GIN1: variants seen among roughly 807,000 people sequenced by gnomAD.
GIN1 encodes the protein gypsy retrotransposon integrase-like protein 1.
Under a neutral mutation model 51.4 loss-of-function variants are expected in GIN1, and 41 were observed. That is an observed-to-expected ratio of 0.80 (90% CI 0.62 to 1.04). The LOEUF (loss-of-function observed/expected upper bound fraction) is 1.04, where lower values mean the gene tolerates loss of function less well. Among genes scored for constraint, GIN1 ranks in the 50% least tolerant of loss-of-function variants. The pLI, the probability that GIN1 is intolerant of heterozygous loss-of-function variation, is 0.00. For missense variants in GIN1, 610 were observed against 612.4 expected, an observed-to-expected ratio of 1.00 and a Z score of 0.04; for synonymous variants, 222 against 206.5, an observed-to-expected ratio of 1.07 and a Z score of -0.64.
At chr5:103,108,860 A>C in intron 1 of GIN1, 146 bp from the exon 2 acceptor site, 1 of 611,046 alleles carries the variant, frequency 1.6e-6, no homozygotes, top group South Asian at 2.1e-5. Flanking sequence ...CAGTACAGGA[A>C]AGGAACAGCG....
At position 103,096,639 on chromosome 5, in the gene GIN1, C is replaced by G. The variant is rs782028018; in HGVS notation, c.1196G>C (p.Ser399Thr). ...GPCVIDYITE[S>T]GCAVLRDNTG... ...GTTGTCTCTCAGGACAGCACATCCA[C>G]TTTCTGTAATATAGTCTATGACACA... is the stretch of plus-strand genomic sequence containing the variant. Residue 399 changes from serine to threonine, a missense_variant, in exon 7 of 8, where the codon AGT (serine) becomes ACT (threonine). Coordinates refer to ENST00000399004, the MANE Select transcript of GIN1 (RefSeq NM_017676.2). 4 of 1,613,644 alleles carry G rather than the reference C, an allele frequency of 2.5e-6. No individual in the cohort carries two copies. The African/African-American group carries it at 4.0e-5, about 16-fold the overall frequency.
At chr5:103,097,181 C>T in intron 6 of GIN1, 133 bp downstream of exon 6, 1 of 635,400 alleles carries the variant, frequency 1.6e-6, no homozygotes, top group East Asian at 2.9e-5. Context: ...CAAGAAAAAT[C>T]TGATAGATAA....
chr5:103,109,791 T>C (rs1554196737), intron 1 of GIN1, among the ~76,000 whole-genome samples: 1 of 152,152 alleles, frequency 6.6e-6, no homozygotes, highest in East Asian at 1.9e-4. Flanking sequence ...AAATGCAGCC[T>C]ATCACAGTTT....
intron 3 of GIN1, 98 bp downstream of exon 3, chr5:103,106,618 A>C: frequency 1.5e-6 from 1 of 686,534 alleles, no homozygotes; most frequent in Non-Finnish European, 2.4e-6. Context: ...AAAATACTTA[A>C]TGAGAGGTGA....
chr5:103,090,006 T>C (rs912285592), intron 7 of GIN1, among the ~76,000 whole-genome samples: 1 of 152,298 alleles, frequency 6.6e-6, no homozygotes, highest in South Asian at 2.1e-4. Context: ...ATAAAAATCA[T>C]GCAGCCAGGC....
chr5:103,104,848 T>C lies in GIN1; in HGVS notation c.334-2A>G. On this transcript the variant is annotated splice_acceptor_variant, in intron 3 of 7. Coordinates refer to ENST00000399004, the MANE Select transcript of GIN1 (RefSeq NM_017676.2). LOFTEE classifies it high-confidence loss of function. The stretch of plus-strand genomic sequence containing the variant: ...TTGGCAATGCTGACAAGCATATACC[T>C]ACAACAGGCACACAATAAAGAAAAC... The C allele has an allele frequency of 6.4e-7, 1 of 1,554,600 alleles. No homozygotes were observed. The highest frequency in any genetic ancestry group is 8.8e-7 in the Non-Finnish European group (1 of 1,140,266).
At chr5:103,089,910 C>T (rs1324920303) in intron 7 of GIN1, among the ~76,000 whole-genome samples, 1 of 152,164 alleles carries the variant, frequency 6.6e-6, no homozygotes, top group African/African-American at 2.4e-5. Flanking sequence ...GCTATTCTCT[C>T]TACCAAAAGA....
In GIN1 at chr5:103,087,924, T is replaced by C. The variant is rs142717679; in HGVS notation, c.1543A>G (p.Asn515Asp). 773 of 1,558,514 alleles carry C rather than the reference T, an allele frequency of 5.0e-4. 3 individuals carry two copies. In the African/African-American group the frequency reaches 9.3e-3, roughly 19 times the overall value. ...KQTFSLLDSSNQVLEYLS is the reference protein window; with the variant it reads ...KQTFSLLDSSDQVLEYLS ...TAACTTAAGTATTCAAGAACCTGGT[T>C]TGAAGAGTCCAACAGACTGAAAGTC... is the stretch of plus-strand genomic sequence containing the variant. Residue 515 changes from asparagine to aspartate, a missense_variant, in exon 8 of 8, where the codon AAC (asparagine) becomes GAC (aspartate). Coordinates refer to ENST00000399004, the MANE Select transcript of GIN1 (RefSeq NM_017676.2).
intron 1 of GIN1, among the ~76,000 whole-genome samples, chr5:103,114,709 A>G (rs1583136458): frequency 6.6e-6 from 1 of 152,322 alleles, no homozygotes; most frequent in East Asian, 1.9e-4. Context: ...TCACAGTAAT[A>G]TGTGTCAACC....
intron 7 of GIN1, among the ~76,000 whole-genome samples, chr5:103,092,632 C>T (rs1000999178): frequency 2.2e-4 from 33 of 152,018 alleles, no homozygotes; most frequent in African/African-American, 7.5e-4. Flanking sequence ...CAACAGATAA[C>T]TGAGTAACTA....
chr5:103,097,723 G>C lies in GIN1; in HGVS notation c.698C>G (p.Ser233Cys). The C allele has an allele frequency of 6.3e-7, 1 of 1,588,966 alleles. No homozygotes were observed. The highest frequency in any genetic ancestry group is 8.6e-7 in the Non-Finnish European group (1 of 1,157,030). Reference sequence around the variant, plus strand: ...ACTTTCCGTTGGGTTAACAGTTCCAGAGGTGTGAGAAATTACAATTTGCTT... The same window carrying C: ...ACTTTCCGTTGGGTTAACAGTTCCACAGGTGTGAGAAATTACAATTTGCTT... ...GIKQIVISHT[S>C]GTVNPTESTP... is the part of the protein sequence containing the mutation. The change falls in exon 5 of 8, where the codon TCT becomes TGT. Residue 233 changes from serine to cysteine, a missense_variant. By Grantham distance (112) the Ser-to-Cys change is moderately radical. Coordinates refer to ENST00000399004, the MANE Select transcript of GIN1 (RefSeq NM_017676.2).
chr5:103,106,250 T>C lies in GIN1; in HGVS notation c.333+466A>G, dbSNP rs143872220. Among the ~76,000 whole-genome samples the C allele has an allele frequency of 5.5e-4, 84 of 152,302 alleles. No homozygotes were observed. In the East Asian group the frequency reaches 0.013, roughly 23 times the overall value. On this transcript the variant is annotated intron_variant, in intron 3 of 7. Transcript: ENST00000399004. ...TTATTTCATTATCCTCAAAATTTGA[T>C]TTTGGTTATATTTGGTTTTGGGTTT...
At position 103,088,061 on chromosome 5, in the gene GIN1, A is replaced by G; in HGVS notation, c.1406T>C (p.Ile469Thr). 6.2e-7 allele frequency: 1 copy of G among 1,610,924 alleles called. No homozygotes were observed. Among genetic ancestry groups the G allele is most frequent in the Non-Finnish European group, 8.5e-7 (1 of 1,177,282 alleles). Residue 469 changes from isoleucine (I) to threonine (T), a missense_variant, in exon 8 of 8, where the codon ATT becomes ACT. Ile to Thr is a moderately conservative substitution (Grantham distance 89). Coordinates refer to ENST00000399004, the MANE Select transcript of GIN1 (RefSeq NM_017676.2). ...CAGTAATTCATTATCGACTATACCA[A>G]TAGTTGCATCTTCCACCAGAATATT... ...QANILVEDATIGIVDNELLTS... is the reference protein window; with the variant it reads ...QANILVEDATTGIVDNELLTS...
chr5:103,106,583 T>C, intron 3 of GIN1, 133 bp downstream of exon 3: 1 of 535,350 alleles, frequency 1.9e-6, no homozygotes, highest in African/African-American at 2.0e-5. Flanking sequence ...TGAAGGGAAA[T>C]ACAACTCCCT....
chr5:103,090,224 G>A (rs1354178808), intron 7 of GIN1, among the ~76,000 whole-genome samples: 1 of 152,212 alleles, frequency 6.6e-6, no homozygotes, highest in Non-Finnish European at 1.5e-5. Flanking sequence ...AGGAGGTGGA[G>A]GTTGCAGTAA....
Position 103,097,511 on chromosome 5 carries a change from G to A in GIN1, c.832-21C>T, listed in dbSNP as rs145309875. 205 of 1,494,496 alleles carry A rather than the reference G, an allele frequency of 1.4e-4. 2 individuals carry two copies. The East Asian group carries it at 3.3e-3, about 24-fold the overall frequency. 92.6% of individuals were successfully genotyped at this position (1,494,496 alleles called of 1,614,324 possible). A position where few individuals can be genotyped will look rare whatever the true frequency, so the allele number is the denominator to read the frequency against. ...GGTTCCTATTTTAAAGAAAATAAAC[G>A]TCAATTTTGTAATAAAACATTTATC... On this transcript the variant is annotated intron_variant, in intron 5 of 7. Transcript: ENST00000399004.
chr5:103,096,571 TA>T lies in GIN1; in HGVS notation c.1263del (p.Lys422SerfsTer4), dbSNP rs1554195078. On this transcript the variant is annotated frameshift_variant, in exon 7 of 8. Coordinates refer to ENST00000399004, the MANE Select transcript of GIN1 (RefSeq NM_017676.2). LOFTEE classifies it high-confidence loss of function. ...RLKRPIKMSHLKPYIRESSEQ... is the reference protein window; with the variant it reads ...RLKRPIKMSHXKPYIRESSEQ... ...TCACTGGATTCTCTTATGTAGGGCT[TA>T]AGGTGGGACATTTTGATAGGTCTTT... 6.2e-7 allele frequency: 1 copy of T among 1,613,306 alleles called. No individual in the cohort carries two copies. The highest frequency in any genetic ancestry group is 8.5e-7 in the Non-Finnish European group (1 of 1,179,378).
chr5:103,116,050 T>C (rs1554197350), intron 1 of GIN1, among the ~76,000 whole-genome samples: 1 of 152,092 alleles, frequency 6.6e-6, no homozygotes, highest in East Asian at 1.9e-4. Flanking sequence ...TGGGACAAAA[T>C]GCCAATTTTC....
intron 7 of GIN1, 117 bp downstream of exon 7, chr5:103,096,424 A>C (rs1248168745): frequency 1.3e-6 from 1 of 795,502 alleles, no homozygotes; most frequent in Non-Finnish European, 2.0e-6. Flanking sequence ...AACTGTAACA[A>C]ATTTTATGAA....
Sources: gnomAD v4.1 joint callset for allele counts (sites outside exome capture counted in the v4.1 genomes callset) on GRCh38, gnomAD v4.1.1 for gene constraint, MANE v1.5 for transcripts, NCBI Gene and HGNC (gene_info 2026-07-23, HGNC 2026-07-21) for gene names.